SIGLEC6: variants seen among roughly 807,000 people sequenced by gnomAD.
The protein encoded by SIGLEC6 is sialic acid binding Ig like lectin 6, also known as sialic acid-binding Ig-like lectin 6.
Under a neutral mutation model 41.4 loss-of-function variants are expected in SIGLEC6, and 31 were observed. The ratio of observed to expected loss-of-function variants is 0.75; its 90% CI spans 0.56 to 1.01. SIGLEC6 has a LOEUF of 1.01. Ranked by LOEUF, SIGLEC6 falls within the 50% of genes least tolerant of loss-of-function variation. The pLI, the probability that SIGLEC6 is intolerant of heterozygous loss-of-function variation, is 0.00. For synonymous variants in SIGLEC6, 217 were observed against 231.0 expected (o/e 0.94, Z 0.55); for missense variants, 555 against 558.6 (o/e 0.99, Z 0.06).
At position 51,529,943 on chromosome 19, in the gene SIGLEC6, G is replaced by C; in HGVS notation, c.793C>G (p.Leu265Val). 6.2e-7 allele frequency: 1 copy of C among 1,606,842 alleles called. No individual in the cohort carries two copies. Among genetic ancestry groups the C allele is most frequent in the African/African-American group, 1.3e-5 (1 of 74,726 alleles). ...ILQNTSSLPV[L>V]EGQALRLLCD... ...AGCAGCCGCAGAGCCTGGCCCTCCA[G>C]GACAGGGAGGGACGAGGTGTTTTGC... is the stretch of plus-strand genomic sequence containing the variant. The change falls in exon 5 of 8, where the codon CTG becomes GTG. Residue 265 changes from leucine (L) to valine (V), a missense_variant. By Grantham distance (32) the Leu-to-Val change is conservative. Transcript: ENST00000425629.
At chr19:51,528,344 C>A in intron 5 of SIGLEC6, 91 bp from the exon 6 acceptor site, 1 of 1,065,372 alleles carries the variant, frequency 9.4e-7, no homozygotes, top group Non-Finnish European at 1.4e-6. Flanking sequence ...ATGTGACCAC[C>A]CCCATCCAGG....
At chr19:51,525,792 C>T (rs1231439968) in intron 7 of SIGLEC6, among the ~76,000 whole-genome samples, 1 of 152,114 alleles carries the variant, frequency 6.6e-6, no homozygotes, top group African/African-American at 2.4e-5. Context: ...GCGGCCCCAC[C>T]CCTAGATGAA....
At position 51,519,368 on chromosome 19, in the gene SIGLEC6, T is replaced by C. The variant is rs182988232; in HGVS notation, c.*714A>G. ...TTCATTTACAAAAATATACAGACTT[T>C]ATGAAAACCTTTGTGTCAGGGCCTT... On this transcript the variant is annotated 3_prime_UTR_variant, in exon 8 of 8. Coordinates refer to ENST00000425629, the MANE Select transcript of SIGLEC6 (RefSeq NM_001245.7). Among the ~76,000 whole-genome samples, 45 of 151,142 alleles carry C rather than the reference T, an allele frequency of 3.0e-4. No individual in the cohort carries two copies. In the East Asian group the frequency reaches 7.8e-3, roughly 26 times the overall value.
intron 7 of SIGLEC6, among the ~76,000 whole-genome samples, chr19:51,521,592 A>G (rs1261595312): frequency 6.6e-6 from 1 of 152,154 alleles, no homozygotes; most frequent in Non-Finnish European, 1.5e-5. Flanking sequence ...CTGAATGAAG[A>G]AAATAACAGG....
intron 7 of SIGLEC6, among the ~76,000 whole-genome samples, chr19:51,527,348 C>T (rs900853157): frequency 6.6e-6 from 1 of 152,142 alleles, no homozygotes; most frequent in East Asian, 1.9e-4. Flanking sequence ...TTGATTTGGG[C>T]TGTCTACTCT....
At chr19:51,527,964 G>T in intron 6 of SIGLEC6, 136 bp from the exon 7 acceptor site, 1 of 969,244 alleles carries the variant, frequency 1.0e-6, no homozygotes, top group Non-Finnish European at 1.6e-6. Context: ...CCAAGAGTTG[G>T]ACCACGGTTT....
chr19:51,530,090 G>T, intron 4 of SIGLEC6, 109 bp from the exon 5 acceptor site: 1 of 1,343,740 alleles, frequency 7.4e-7, no homozygotes, highest in Non-Finnish European at 1.0e-6. Flanking sequence ...GACTAGTAAA[G>T]TGGGGGCCTC....
chr19:51,530,093 G>C (rs1161407265), intron 4 of SIGLEC6, 112 bp from the exon 5 acceptor site: 3 of 1,309,158 alleles, frequency 2.3e-6, no homozygotes, highest in African/African-American at 3.0e-5. Flanking sequence ...TAGTAAAGTG[G>C]GGGCCTCAGG....
chr19:51,524,966 C>T (rs747382161), intron 7 of SIGLEC6, among the ~76,000 whole-genome samples: 19 of 152,142 alleles, frequency 1.2e-4, no homozygotes, highest in Admixed American at 3.3e-4. Flanking sequence ...ATGAGAGATC[C>T]CCTGAAGCCT....
chr19:51,522,473 C>T (rs146297969), intron 7 of SIGLEC6, among the ~76,000 whole-genome samples: 24 of 152,234 alleles, frequency 1.6e-4, no homozygotes, highest in East Asian at 5.8e-4. Context: ...AGATTAAAAA[C>T]GGCTATAAAT....
At position 51,528,202 on chromosome 19, in the gene SIGLEC6, C is replaced by T. The variant is rs1441259455; in HGVS notation, c.1064G>A (p.Ser355Asn). Residue 355 changes from serine to asparagine, a missense_variant, in exon 6 of 8, where the codon AGC becomes AAC. By Grantham distance (46) the Ser-to-Asn change is conservative (BLOSUM62 1). Coordinates refer to ENST00000425629, the MANE Select transcript of SIGLEC6 (RefSeq NM_001245.7). ...ACAGAGGAAAACCAGGGTTGTGATG[C>T]TAGCTCCCCAGACTGCTCCCAGGAC... ...GGVLGAVWGA[S>N]ITTLVFLCVC... is the part of the protein sequence containing the mutation. 5.0e-6 allele frequency: 8 copies of T among 1,614,172 alleles called. No homozygotes were observed. Among genetic ancestry groups the T allele is most frequent in the Non-Finnish European group, 6.8e-6 (8 of 1,180,012 alleles).
rs1259200678 is a variant in SIGLEC6 at position 51,522,311 on chromosome 19, A to G, written c.1189-2056T>C. On this transcript the variant is annotated intron_variant, in intron 7 of 7. Coordinates refer to ENST00000425629, the MANE Select transcript of SIGLEC6 (RefSeq NM_001245.7). ...ACAAAGCTCAACAATTTTTAAAGGA[A>G]GATTAAAATATCCGGATAATCAACA... is the stretch of plus-strand genomic sequence containing the variant. Among the ~76,000 whole-genome samples the G allele has an allele frequency of 1.3e-5, 2 of 152,260 alleles. 1 individual carries two copies.
At chr19:51,529,086 G>A (rs1006271553) in intron 5 of SIGLEC6, among the ~76,000 whole-genome samples, 3 of 150,802 alleles carry the variant, frequency 2.0e-5, no homozygotes, top group East Asian at 1.9e-4. Context: ...GTCAGAGGTC[G>A]AGGCAATGCT....
chr19:51,526,230 T>C (rs1979206213), intron 7 of SIGLEC6, among the ~76,000 whole-genome samples: 1 of 152,060 alleles, frequency 6.6e-6, no homozygotes, highest in Admixed American at 6.6e-5. Context: ...CACGGGGCTG[T>C]AGTGTGCAGC....
chr19:51,531,358 C>A lies in SIGLEC6; in HGVS notation c.229G>T (p.Ala77Ser), dbSNP rs1980344634. 4 of 1,614,170 alleles carry A rather than the reference C, an allele frequency of 2.5e-6. No individual in the cohort carries two copies. Among genetic ancestry groups the A allele is most frequent in the Non-Finnish European group, 3.4e-6 (4 of 1,180,014 alleles). Residue 77 changes from alanine to serine, a missense_variant, in exon 2 of 8, where the codon GCC becomes TCC. Transcript: ENST00000425629. ...ACTTCTTCGTCTGGGTCGTTTGTGG[C>A]CACTGGAACATCAGCCCCTTCCAGG... The part of the protein sequence containing the change: ...WFLEGADVPV[A>S]TNDPDEEVQE...
At chr19:51,521,513 A>G (rs1990936628) in intron 7 of SIGLEC6, among the ~76,000 whole-genome samples, 1 of 152,160 alleles carries the variant, frequency 6.6e-6, no homozygotes, top group Non-Finnish European at 1.5e-5. Context: ...TACACAAATC[A>G]GTGGCAAAGT....
chr19:51,525,409 C>T (rs886125404), intron 7 of SIGLEC6, among the ~76,000 whole-genome samples: 6 of 152,216 alleles, frequency 3.9e-5, no homozygotes, highest in South Asian at 4.2e-4. Flanking sequence ...TCCAACACAC[C>T]GGAACTGCTT....
Position 51,520,091 on chromosome 19 carries a change from T to C in SIGLEC6, c.1353A>G (p.Ile451Met). 6.4e-7 allele frequency: 1 copy of C among 1,568,454 alleles called. No homozygotes were observed. The highest frequency in any genetic ancestry group is 1.2e-5 in the South Asian group (1 of 85,820). Residue 451 changes from isoleucine (I) to methionine (M), a missense_variant, in exon 8 of 8, where the codon ATA becomes ATG. Transcript: ENST00000425629. The part of the protein sequence containing the change: ...VTDTEYSEIK[I>M]HK ...GGCTTTGGACAATTCCTCACTTGTGTATCTTGATTTCTGAGTACTCAGTGT... is the reference window on the plus strand; with the variant it reads ...GGCTTTGGACAATTCCTCACTTGTGCATCTTGATTTCTGAGTACTCAGTGT...
Position 51,530,969 on chromosome 19 carries a change from A to G in SIGLEC6, c.428-10T>C, listed in dbSNP as rs1292063640. 5 of 1,608,214 alleles carry G rather than the reference A, an allele frequency of 3.1e-6. No individual in the cohort carries two copies. The South Asian group carries it at 3.3e-5, about 11-fold the overall frequency. ...GGCCTGTGGGTCAGGGCTGGTGAGG[A>G]GATGGGGACGCAGGATCAGGATGGA... On this transcript the variant is annotated splice_polypyrimidine_tract_variant and intron_variant, in intron 2 of 7. Transcript: ENST00000425629.
Sources: allele counts gnomAD v4.1 joint callset (sites outside exome capture counted in the v4.1 genomes callset), GRCh38; gene constraint gnomAD v4.1.1; transcripts MANE v1.5; gene names NCBI Gene and HGNC (gene_info 2026-07-23, HGNC 2026-07-21).